Variants in ASNS observed in about 807,000 individuals in gnomAD.
ASNS encodes asparagine synthetase (glutamine-hydrolyzing).
In ASNS, 37 loss-of-function variants were observed where a neutral mutation model predicts 62.6. The ratio of observed to expected loss-of-function variants is 0.59; its 90% CI spans 0.45 to 0.78. The LOEUF (loss-of-function observed/expected upper bound fraction) is 0.78. Among genes scored for constraint, ASNS ranks in the 30% least tolerant of loss-of-function variants. ASNS has a pLI of 0.00. For synonymous variants in ASNS, 207 were observed against 237.9 expected, an observed-to-expected ratio of 0.87 and a Z score of 1.19; for missense variants, 520 against 682.4, an observed-to-expected ratio of 0.76 and a Z score of 2.65.
the ASNS span, among the ~76,000 whole-genome samples, chr7:97,925,474 G>A: frequency 2.4e-4 from 36 of 152,272 alleles, no homozygotes; most frequent in African/African-American, 7.7e-4. Context: ...ATAGCTGGGA[G>A]GGTAGAGTGG....
intron 6 of ASNS, 114 bp from the exon 7 acceptor site, chr7:97,858,519 C>A: frequency 1.5e-6 from 2 of 1,346,764 alleles, no homozygotes; most frequent in South Asian, 1.5e-5. Context: ...ATTTAAAATC[C>A]GCCAAGTTTT....
In ASNS at chr7:97,857,234, T is replaced by C. The variant is rs112609790; in HGVS notation, c.904-418A>G. On this transcript the variant is annotated intron_variant, in intron 7 of 12. Transcript: ENST00000394308. ...GAATGGCCCTTCCCCTCATTCTGCT[T>C]TCCTTGGCTATTTTGGATTCTCTCG... is the stretch of plus-strand genomic sequence containing the variant. 9.3e-3 allele frequency among the ~76,000 whole-genome samples: 1,421 copies of C among 152,254 alleles called. 24 individuals are homozygous for C. Among genetic ancestry groups the C allele is most frequent in the African/African-American group, 0.033 (1,354 of 41,536 alleles).
the ASNS span, among the ~76,000 whole-genome samples, chr7:97,905,981 T>C: frequency 6.6e-6 from 1 of 152,220 alleles, no homozygotes; most frequent in Non-Finnish European, 1.5e-5. Flanking sequence ...CAGATGGCTA[T>C]GAAGTTTGCA....
the ASNS span, among the ~76,000 whole-genome samples, chr7:97,878,977 C>G: frequency 1.3e-5 from 2 of 152,098 alleles, no homozygotes; most frequent in Admixed American, 1.3e-4. Context: ...ACAGAGCCCT[C>G]AGAAATAATG....
At chr7:97,908,908 G>A in the ASNS span, 9 of 152,284 alleles carry the variant, frequency 5.9e-5, no homozygotes, top group South Asian at 2.1e-4. Flanking sequence ...TGAGCAAGCC[G>A]CCTGGATGAT....
chr7:97,874,345 A>G (rs1792396082), upstream of ASNS, among the ~76,000 whole-genome samples: 2 of 152,162 alleles, frequency 1.3e-5, no homozygotes, highest in African/African-American at 4.8e-5. Flanking sequence ...GGGTGCCCAC[A>G]TTTCATATTG....
chr7:97,889,927 C>CAAAAAAAAA, the ASNS span, among the ~76,000 whole-genome samples: 20 of 38,562 alleles, frequency 5.2e-4, no homozygotes, highest in Non-Finnish European at 7.3e-4. Flanking sequence ...ATAATGAATA[C>CAAAAAAAAA]AAAAAAAAAA....
chr7:97,882,330 C>T, the ASNS span, among the ~76,000 whole-genome samples: 4 of 152,058 alleles, frequency 2.6e-5, no homozygotes, highest in Non-Finnish European at 4.4e-5. Flanking sequence ...TGACGGATCA[C>T]GAGGTCAGGA....
the ASNS span, among the ~76,000 whole-genome samples, chr7:97,883,379 G>C: frequency 6.6e-6 from 1 of 152,096 alleles, no homozygotes; most frequent in Non-Finnish European, 1.5e-5. Context: ...GCCCACTTGG[G>C]TATGTTTTTC....
the ASNS span, among the ~76,000 whole-genome samples, chr7:97,890,671 CAGG>C: frequency 6.6e-6 from 1 of 152,056 alleles, no homozygotes; most frequent in Non-Finnish European, 1.5e-5. Flanking sequence ...CATTTGATCC[CAGG>C]AGTTCAAGGC....
intron 4 of ASNS, chr7:97,863,866 T>C (rs1191943477): frequency 5.7e-6 from 1 of 175,468 alleles, no homozygotes; most frequent in Non-Finnish European, 1.2e-5. Flanking sequence ...TTACATGGTA[T>C]GTGAATTATC....
At chr7:97,866,364 G>T (rs112423874) in intron 3 of ASNS, among the ~76,000 whole-genome samples, 1 of 152,196 alleles carries the variant, frequency 6.6e-6, no homozygotes. Context: ...CAGCATTAAA[G>T]CTACTCCTTA....
chr7:97,872,330 G>C (rs1334119964), intron 1 of ASNS, 21 bp downstream of exon 1: 1 of 153,508 alleles, frequency 6.5e-6, no homozygotes, highest in East Asian at 1.9e-4. Context: ...CGCAGGGCAC[G>C]GGGCGCAGGA....
chr7:97,864,741 T>C (rs796394615), intron 3 of ASNS, among the ~76,000 whole-genome samples: 6 of 152,288 alleles, frequency 3.9e-5, no homozygotes, highest in African/African-American at 1.4e-4. Context: ...ATAATGGGAA[T>C]GTGCCAGAAC....
At chr7:97,878,642 G>T in the ASNS span, among the ~76,000 whole-genome samples, 1 of 152,168 alleles carries the variant, frequency 6.6e-6, no homozygotes, top group African/African-American at 2.4e-5. Context: ...CGAAATAAAA[G>T]AGGATACAAA....
chr7:97,864,602 T>G (rs1791879087), intron 3 of ASNS, 106 bp from the exon 4 acceptor site: 1 of 771,524 alleles, frequency 1.3e-6, no homozygotes, highest in Non-Finnish European at 2.2e-6. Context: ...AATCCTTTCA[T>G]GCACTTTGGT....
chr7:97,861,135 C>T (rs902023928), intron 4 of ASNS, among the ~76,000 whole-genome samples: 1 of 151,284 alleles, frequency 6.6e-6, no homozygotes, highest in African/African-American at 2.4e-5. Flanking sequence ...CATTCTCCTG[C>T]CTCAGCCTCC....
At chr7:97,856,659 C>T in intron 8 of ASNS, 31 bp downstream of exon 8, 2 of 1,506,464 alleles carry the variant, frequency 1.3e-6, no homozygotes, top group Non-Finnish European at 8.9e-7. Context: ...TTAAAAAAAG[C>T]TTTTTATTTA....
the ASNS span, chr7:97,909,050 C>T: frequency 1.3e-5 from 2 of 152,154 alleles, no homozygotes; most frequent in African/African-American, 2.4e-5. Flanking sequence ...CCAATCAGTA[C>T]CACTCATAGC....
Sources: allele counts gnomAD v4.1 joint callset (sites outside exome capture counted in the v4.1 genomes callset), GRCh38; gene constraint gnomAD v4.1.1; transcripts MANE v1.5; gene names NCBI Gene and HGNC (gene_info 2026-07-23, HGNC 2026-07-21).